Variants in FCSK observed in about 807,000 individuals in gnomAD.
The protein encoded by FCSK is L-fucose kinase.
In FCSK, 123 loss-of-function variants were observed where a neutral mutation model predicts 122.5. The observed-to-expected ratio is 1.00, with a 90% CI of 0.87 to 1.17. FCSK has a LOEUF of 1.17. Ranked by LOEUF, FCSK falls within the 50% of genes most tolerant of loss-of-function variation. The pLI, the probability that FCSK is intolerant of heterozygous loss-of-function variation, is 0.00. For synonymous variants in FCSK, 620 were observed against 625.5 expected (o/e 0.99, Z 0.13); for missense variants, 1,366 against 1,450.4 (o/e 0.94, Z 0.95).
At chr16:70,479,091 C>G in intron 22 of FCSK, 89 bp from the exon 23 acceptor site, 1 of 1,009,684 alleles carries the variant, frequency 9.9e-7, no homozygotes, top group South Asian at 1.5e-5. Flanking sequence ...GACACTGGCT[C>G]AGCAGCACGT....
rs2048408673 is a variant in FCSK at position 70,466,066 on chromosome 16, C to T, written c.286-66C>T. 9 of 1,561,076 alleles carry T rather than the reference C, an allele frequency of 5.8e-6. No homozygotes were observed. The East Asian group carries it at 1.1e-4, about 20-fold the overall frequency. The stretch of plus-strand genomic sequence containing the variant: ...CCTCCACTGGATGGCTTTCTGCCTG[C>T]ACAGCTGATGAGGTGGCCTTGGGCT... On this transcript the variant is annotated intron_variant, in intron 4 of 23. Transcript: ENST00000288078.
In FCSK at chr16:70,469,158, C is replaced by G; in HGVS notation, c.790C>G (p.Leu264Val). Reference protein sequence around the residue: ...DSGARPVQLSLFFDILHCMAE... With the variant: ...DSGARPVQLSVFFDILHCMAE... ...CTTCTTCCCCTTCCCCTAGCTGTCTCTGTTTTTTGACATTCTCCACTGCAT... is the reference window on the plus strand; with the variant it reads ...CTTCTTCCCCTTCCCCTAGCTGTCTGTGTTTTTTGACATTCTCCACTGCAT... The change falls in exon 10 of 24, where the codon CTG (leucine) becomes GTG (valine). Residue 264 changes from leucine to valine, a missense_variant. Physicochemically the swap from Leu to Val is conservative, Grantham distance 32. Coordinates refer to ENST00000288078, the MANE Select transcript of FCSK (RefSeq NM_145059.3). 6.2e-7 allele frequency: 1 copy of G among 1,614,150 alleles called. No homozygotes were observed. Among genetic ancestry groups the G allele is most frequent in the Non-Finnish European group, 8.5e-7 (1 of 1,180,036 alleles).
At chr16:70,478,748 CCA>C in intron 22 of FCSK, 98 bp downstream of exon 22, 1 of 989,272 alleles carries the variant, frequency 1.0e-6, no homozygotes, top group Admixed American at 2.0e-5. Flanking sequence ...GGCACAAGCT[CCA>C]GATATTCGGC....
chr16:70,467,321 T>C (rs1343531534), intron 6 of FCSK, 53 bp from the exon 7 acceptor site: 72 of 1,323,394 alleles, frequency 5.4e-5, no homozygotes, highest in Non-Finnish European at 7.3e-5. Flanking sequence ...GGTGGGGAAA[T>C]CCGTGCCTTG....
In FCSK at chr16:70,466,227, G is replaced by T. The variant is rs200027897; in HGVS notation, c.381G>T (p.Leu127=). 2 of 1,613,854 alleles carry T rather than the reference G, an allele frequency of 1.2e-6. No homozygotes were observed. Among genetic ancestry groups the T allele is most frequent in the Admixed American group, 1.7e-5 (1 of 59,996 alleles). The change falls in exon 5 of 24, where the codon CTG becomes CTT. Residue 127 remains leucine (L), a synonymous_variant. Coordinates refer to ENST00000288078, the MANE Select transcript of FCSK (RefSeq NM_145059.3). ...EAPVEALVCN[L]DCLLDIMTYR... The stretch of plus-strand genomic sequence containing the variant: ...CCGTGGAAGCCTTGGTCTGCAACCT[G>T]GACTGCCTGCTGGACATCATGACCT...
At position 70,470,303 on chromosome 16, in the gene FCSK, T is replaced by A; in HGVS notation, c.956-11T>A. The A allele has an allele frequency of 1.3e-6, 2 of 1,599,440 alleles. No individual in the cohort carries two copies. The highest frequency in any genetic ancestry group is 1.7e-6 in the Non-Finnish European group (2 of 1,167,990). ...GGCATGGGGTTGGGTTCAGTACTTA[T>A]GTCTTTACAGCCTATGTCTCCAGCG... On this transcript the variant is annotated splice_polypyrimidine_tract_variant and intron_variant, in intron 10 of 23. Transcript: ENST00000288078.
rs915078226 is a variant in FCSK, at chr16:70,466,618, G to C, written c.412-264G>C. On this transcript the variant is annotated intron_variant, in intron 5 of 23. Coordinates refer to ENST00000288078, the MANE Select transcript of FCSK (RefSeq NM_145059.3). ...AGGCTGAGGCAGGAAGATCGCTTGA[G>C]CCCAGGAGTTTGAGGCTGCAGTGAG... 7.6e-6 allele frequency: 4 copies of C among 528,034 alleles called. No homozygotes were observed. In the African/African-American group the frequency reaches 7.6e-5, roughly 10 times the overall value. The allele number at this position is 528,034 out of a possible 1,614,324, so 32.7% of individuals were successfully genotyped here. A position where few individuals can be genotyped will look rare whatever the true frequency, so the allele number is the denominator to read the frequency against.
chr16:70,478,325 C>T lies in FCSK; in HGVS notation c.2695C>T (p.Arg899Cys), dbSNP rs116501877. The T allele has an allele frequency of 1.5e-5, 24 of 1,614,122 alleles. No homozygotes were observed. Among genetic ancestry groups the T allele is most frequent in the African/African-American group, 8.0e-5 (6 of 75,050 alleles). The change falls in exon 21 of 24, where the codon CGC (arginine) becomes TGC (cysteine). Residue 899 changes from arginine (R) to cysteine (C), a missense_variant. Transcript: ENST00000288078. ...CCTAATGCCTGGCATCAAGGTGGGG[C>T]GCTCCCGGGCTCAGCTGCCACTGAA... ...GGLMPGIKVGRSRAQLPLKVE... is the reference protein window; with the variant it reads ...GGLMPGIKVGCSRAQLPLKVE...
At chr16:70,475,310 A>G in intron 18 of FCSK, 40 bp from the exon 19 acceptor site, 1 of 1,603,048 alleles carries the variant, frequency 6.2e-7, no homozygotes, top group Admixed American at 1.7e-5. Flanking sequence ...GCGTCTGCCC[A>G]TCGAGACTGA....
intron 3 of FCSK, among the ~76,000 whole-genome samples, chr16:70,464,060 C>T (rs999119152): frequency 6.6e-6 from 1 of 152,148 alleles, no homozygotes; most frequent in Non-Finnish European, 1.5e-5. Context: ...GGGCTGTCAT[C>T]CCCATATGGC....
At chr16:70,469,516 C>CTT (rs2048541571) in intron 10 of FCSK, among the ~76,000 whole-genome samples, 193 bp downstream of exon 10, 1 of 152,064 alleles carries the variant, frequency 6.6e-6, no homozygotes, top group African/African-American at 2.4e-5. Flanking sequence ...TTCCTGGGCT[C>CTT]TCCCAGCCTG....
chr16:70,474,076 G>A, intron 15 of FCSK, 53 bp from the exon 16 acceptor site: 4 of 1,509,590 alleles, frequency 2.6e-6, no homozygotes. Context: ...TCGTGAAAGA[G>A]GATTTTGAAG....
Position 70,473,080 on chromosome 16 carries a change from C to A in FCSK, c.1504C>A (p.Pro502Thr). 6.3e-7 allele frequency: 1 copy of A among 1,590,678 alleles called. No homozygotes were observed. The highest frequency in any genetic ancestry group is 8.6e-7 in the Non-Finnish European group (1 of 1,169,484). ...PVLHPSRELG[P>T]QDLLWMLDHQ... ...GCTCCACCCCTCGAGGGAGCTGGGA[C>A]CCCAGGACCTGCTGTGGATGCTGGA... Residue 502 changes from proline to threonine, a missense_variant, in exon 15 of 24, where the codon CCC (proline) becomes ACC (threonine). Transcript: ENST00000288078. This position sits in a 1 kb window ranked among gnomAD's most constrained non-coding sequence, Gnocchi z 4.9.
rs373786386 is a variant in FCSK, at chr16:70,471,199, C to T, written c.1188C>T (p.Gly396=). The change falls in exon 13 of 24, where the codon GGC becomes GGT. Residue 396 remains glycine, a synonymous_variant. Coordinates refer to ENST00000288078, the MANE Select transcript of FCSK (RefSeq NM_145059.3). ...HCHLQGPIHI[G]AGCLVTGLDT... ...CCCACCAGGGCCCCATTCACATAGG[C>T]GCTGGCTGCTTGGTGACTGGCCTGG... 2.1e-5 allele frequency: 33 copies of T among 1,605,952 alleles called. No individual in the cohort carries two copies. Among genetic ancestry groups the T allele is most frequent in the African/African-American group, 2.7e-5 (2 of 74,944 alleles).
intron 1 of FCSK, 166 bp downstream of exon 1, chr16:70,454,796 G>C (rs961976535): frequency 6.6e-6 from 1 of 152,158 alleles, no homozygotes; most frequent in African/African-American, 2.4e-5. Flanking sequence ...GGTGCCCCGG[G>C]AGCCCACAGG....
chr16:70,461,591 G>T (rs971861164), intron 1 of FCSK, among the ~76,000 whole-genome samples: 19 of 152,198 alleles, frequency 1.2e-4, no homozygotes, highest in African/African-American at 4.6e-4. Context: ...CCTGGGAAGG[G>T]AGGTCTCCAA....
intron 8 of FCSK, among the ~76,000 whole-genome samples, chr16:70,468,232 G>C (rs2048487378): frequency 6.6e-6 from 1 of 152,154 alleles, no homozygotes; most frequent in Admixed American, 6.5e-5. Flanking sequence ...GACCAGTCTG[G>C]GCAACGTGGT....
chr16:70,477,135 C>G (rs1470707113), intron 20 of FCSK, among the ~76,000 whole-genome samples: 6 of 152,174 alleles, frequency 3.9e-5, no homozygotes, highest in Non-Finnish European at 8.8e-5. Context: ...AGGCCCTTCC[C>G]TAACTATCAA....
Position 70,478,326 on chromosome 16 carries a change from G to T in FCSK, c.2696G>T (p.Arg899Leu). ...GGLMPGIKVGRSRAQLPLKVE... is the reference protein window; with the variant it reads ...GGLMPGIKVGLSRAQLPLKVE... The stretch of plus-strand genomic sequence containing the variant: ...CTAATGCCTGGCATCAAGGTGGGGC[G>T]CTCCCGGGCTCAGCTGCCACTGAAG... The change falls in exon 21 of 24, where the codon CGC becomes CTC. Residue 899 changes from arginine to leucine, a missense_variant. By Grantham distance (102) the Arg-to-Leu change is moderately radical. Transcript: ENST00000288078. 6.2e-7 allele frequency: 1 copy of T among 1,614,204 alleles called. No individual in the cohort carries two copies. Among genetic ancestry groups the T allele is most frequent in the Non-Finnish European group, 8.5e-7 (1 of 1,180,044 alleles).
Sources: allele counts gnomAD v4.1 joint callset (sites outside exome capture counted in the v4.1 genomes callset), GRCh38; gene constraint gnomAD v4.1.1; non-coding constraint Gnocchi (gnomAD v3.1); transcripts MANE v1.5; gene names NCBI Gene and HGNC (gene_info 2026-07-23, HGNC 2026-07-21).